Variants in IGFBP2 observed in about 807,000 individuals in gnomAD.
IGFBP2 encodes the protein insulin-like growth factor-binding protein 2.
IGFBP2 carries 12 observed loss-of-function variants against 26.2 expected under a neutral mutation model. The observed-to-expected ratio is 0.46, with a 90% confidence interval of 0.29 to 0.74. The LOEUF (loss-of-function observed/expected upper bound fraction) is 0.74. Ranked by LOEUF, IGFBP2 falls within the 30% of genes least tolerant of loss-of-function variation. The pLI is 0.09. For missense variants in IGFBP2, 328 were observed against 441.2 expected, an observed-to-expected ratio of 0.74 and a Z score of 2.30; for synonymous variants, 189 against 200.6, an observed-to-expected ratio of 0.94 and a Z score of 0.49.
intron 1 of IGFBP2, among the ~76,000 whole-genome samples, chr2:216,650,038 G>A (rs1697788982): frequency 6.6e-6 from 1 of 152,244 alleles, no homozygotes; most frequent in Admixed American, 6.5e-5. Context: ...AAAAGAAGAG[G>A]CATTGTTCTC....
Position 216,660,774 on chromosome 2 carries a change from A to G in IGFBP2, c.660A>G (p.Pro220=). Residue 220 remains proline (P), a synonymous_variant, in exon 2 of 4, where the codon CCA becomes CCG. Coordinates refer to ENST00000233809, the MANE Select transcript of IGFBP2 (RefSeq NM_000597.3). ...LGLEEPKKLR[P]PPARTPCQQE... is the part of the protein sequence containing the mutation. ...TGGAGGAGCCCAAGAAGCTGCGACCACCCCCTGCCAGGGTCAGTGAGGGTC... is the reference window on the plus strand; with the variant it reads ...TGGAGGAGCCCAAGAAGCTGCGACCGCCCCCTGCCAGGGTCAGTGAGGGTC... 1 of 1,584,330 alleles carries G rather than the reference A, an allele frequency of 6.3e-7. No individual in the cohort carries two copies. The highest frequency in any genetic ancestry group is 8.6e-7 in the Non-Finnish European group (1 of 1,166,344).
intron 1 of IGFBP2, among the ~76,000 whole-genome samples, chr2:216,652,442 C>T (rs1697846280): frequency 6.6e-6 from 1 of 152,252 alleles, no homozygotes; most frequent in African/African-American, 2.4e-5. Flanking sequence ...TCCCAAAATG[C>T]TGGGATTACA....
At chr2:216,637,439 C>A (rs1326804452) in intron 1 of IGFBP2, among the ~76,000 whole-genome samples, 1 of 152,212 alleles carries the variant, frequency 6.6e-6, no homozygotes, top group Non-Finnish European at 1.5e-5. Flanking sequence ...GCTGCCGTTG[C>A]CCATGGTGGG....
At chr2:216,641,223 C>T (rs1051404206) in intron 1 of IGFBP2, among the ~76,000 whole-genome samples, 8 of 152,196 alleles carry the variant, frequency 5.3e-5, no homozygotes, top group Non-Finnish European at 7.3e-5. Flanking sequence ...CAAGTGACAT[C>T]TCCTCCTTGA....
Position 216,660,800 on chromosome 2 carries a change from A to G in IGFBP2, c.672+14A>G, listed in dbSNP as rs1324493524. On this transcript the variant is annotated intron_variant, in intron 2 of 3. Transcript: ENST00000233809. The stretch of plus-strand genomic sequence containing the variant: ...CCCCCTGCCAGGGTCAGTGAGGGTC[A>G]GGTCTGGTGGAAGGGGTGGGAGGAC... 2.6e-6 allele frequency: 4 copies of G among 1,558,740 alleles called. No individual in the cohort carries two copies. The highest frequency in any genetic ancestry group is 2.6e-6 in the Non-Finnish European group (3 of 1,151,654).
chr2:216,633,685 GC>G lies in IGFBP2; in HGVS notation c.167del (p.Pro56ArgfsTer112), dbSNP rs1359705681. On this transcript the variant is annotated frameshift_variant, in exon 1 of 4. Coordinates refer to ENST00000233809, the MANE Select transcript of IGFBP2 (RefSeq NM_000597.3). LOFTEE classifies it high-confidence loss of function. ...CACCCGAGCGCCTGGCCGCCTGCGG[GC>G]CCCCGCCGGTTGCGCCGCCCGCCGC... ...CTPERLAACG[P>X]PPVAPPAAVA... 1 of 1,148,666 alleles carries G rather than the reference GC, an allele frequency of 8.7e-7. No homozygotes were observed. Among genetic ancestry groups the G allele is most frequent in the Non-Finnish European group, 1.1e-6 (1 of 936,810 alleles). 71.2% of individuals were successfully genotyped at this position (1,148,666 alleles called of 1,614,324 possible). A position where few individuals can be genotyped will look rare whatever the true frequency, so the allele number is the denominator to read the frequency against.
chr2:216,662,602 CCCT>C (rs1688680109), intron 3 of IGFBP2: 1 of 153,552 alleles, frequency 6.5e-6, no homozygotes, highest in Non-Finnish European at 1.4e-5. Flanking sequence ...GAGCCCTTCT[CCCT>C]CCTCTATCCA....
Position 216,643,228 on chromosome 2 carries a change from G to C in IGFBP2, c.442+9263G>C, listed in dbSNP as rs9341135. 8.6e-3 allele frequency among the ~76,000 whole-genome samples: 1,304 copies of C among 152,282 alleles called. 14 individuals are homozygous for C. The highest frequency in any genetic ancestry group is 0.028 in the African/African-American group (1,146 of 41,546). On this transcript the variant is annotated intron_variant, in intron 1 of 3. Coordinates refer to ENST00000233809, the MANE Select transcript of IGFBP2 (RefSeq NM_000597.3). ...ATATGTTCTTGCTACATTGTCTCCA[G>C]AGTTTACTCCTGAGTTGGGGAGCAG...
chr2:216,647,935 C>A lies in IGFBP2; in HGVS notation c.443-12622C>A, dbSNP rs375720174. ...TCCCGGGCTCAAGCCATCCTCCCAG[C>A]TATGGCAGTGCTTTTCATCAATGCA... On this transcript the variant is annotated intron_variant, in intron 1 of 3. Transcript: ENST00000233809. Among the ~76,000 whole-genome samples, 8 of 152,334 alleles carry A rather than the reference C, an allele frequency of 5.3e-5. No individual in the cohort carries two copies. In the East Asian group the frequency reaches 9.7e-4, roughly 18 times the overall value.
At chr2:216,652,224 A>G (rs1265184814) in intron 1 of IGFBP2, among the ~76,000 whole-genome samples, 1 of 142,266 alleles carries the variant, frequency 7.0e-6, no homozygotes, top group Non-Finnish European at 1.5e-5. Flanking sequence ...CCCAGGCTGG[A>G]GCGCAATGGC....
At chr2:216,635,891 A>G (rs553488196) in intron 1 of IGFBP2, among the ~76,000 whole-genome samples, 1 of 152,162 alleles carries the variant, frequency 6.6e-6, no homozygotes, top group East Asian at 1.9e-4. Flanking sequence ...CCCAGTGCCC[A>G]GACGCCTTCC....
At chr2:216,650,200 G>T (rs1486318282) in intron 1 of IGFBP2, among the ~76,000 whole-genome samples, 1 of 152,162 alleles carries the variant, frequency 6.6e-6, no homozygotes, top group Non-Finnish European at 1.5e-5. Context: ...TGGGGTCCAG[G>T]GCTCTTATTT....
intron 1 of IGFBP2, among the ~76,000 whole-genome samples, chr2:216,638,190 C>A (rs1219262558): frequency 6.6e-6 from 1 of 150,530 alleles, no homozygotes; most frequent in East Asian, 2.0e-4. Context: ...AACTCCGTCT[C>A]AAAAAATAAA....
chr2:216,650,751 G>C (rs1697803277), intron 1 of IGFBP2, among the ~76,000 whole-genome samples: 2 of 152,210 alleles, frequency 1.3e-5, no homozygotes, highest in Admixed American at 1.3e-4. Context: ...CATCTGAGAA[G>C]GCTGTTTGCA....
At position 216,661,745 on chromosome 2, in the gene IGFBP2, C is replaced by A. The variant is rs780131385; in HGVS notation, c.673-113C>A. 1.4e-4 allele frequency: 174 copies of A among 1,244,726 alleles called. 1 individual carries two copies. The highest frequency in any genetic ancestry group is 1.9e-4 in the Non-Finnish European group (163 of 875,242). 77.1% of individuals were successfully genotyped at this position (1,244,726 alleles called of 1,614,324 possible). On this transcript the variant is annotated intron_variant, in intron 2 of 3. Coordinates refer to ENST00000233809, the MANE Select transcript of IGFBP2 (RefSeq NM_000597.3). ...CCTGTGCCCCCTGCTGGCTGTGTGA[C>A]CATGGGAAAGTCCCCTCCCTGTGCA...
chr2:216,662,260 G>C, intron 3 of IGFBP2: 1 of 522,472 alleles, frequency 1.9e-6, no homozygotes, highest in Non-Finnish European at 3.5e-6. Flanking sequence ...TTGGGAGGAG[G>C]CTCTTGGAGA....
At chr2:216,636,930 G>T (rs1271588899) in intron 1 of IGFBP2, among the ~76,000 whole-genome samples, 829 of 7,122 alleles carry the variant, frequency 0.12, 17 homozygotes, top group African/African-American at 0.3. Flanking sequence ...CAGGCAGGCG[G>T]GCGGGCGGGC....
At chr2:216,659,500 G>A (rs1042368176) in intron 1 of IGFBP2, 8 of 571,216 alleles carry the variant, frequency 1.4e-5, no homozygotes, top group African/African-American at 1.1e-4. Flanking sequence ...GCTGGGGCTC[G>A]GCGGTGTGAG....
chr2:216,633,970 C>G lies in IGFBP2; in HGVS notation c.442+5C>G. 6.3e-7 allele frequency: 1 copy of G among 1,594,804 alleles called. No individual in the cohort carries two copies. Among genetic ancestry groups the G allele is most frequent in the Admixed American group, 1.7e-5 (1 of 58,326 alleles). On this transcript the variant is annotated splice_donor_5th_base_variant and intron_variant, in intron 1 of 3. Transcript: ENST00000233809. Reference sequence around the variant, plus strand: ...CCAGCCCGGAGCAGGTTGCAGGTAACGCGGTCTGGAACAAGTAGTTGGGAG... The same window carrying G: ...CCAGCCCGGAGCAGGTTGCAGGTAAGGCGGTCTGGAACAAGTAGTTGGGAG...
Sources: allele counts gnomAD v4.1 joint callset (sites outside exome capture counted in the v4.1 genomes callset), GRCh38; gene constraint gnomAD v4.1.1; transcripts MANE v1.5; gene names NCBI Gene and HGNC (gene_info 2026-07-23, HGNC 2026-07-21).